Variants in THRB observed in about 807,000 individuals in gnomAD.
THRB encodes the protein thyroid hormone receptor beta.
In THRB, 12 loss-of-function variants were observed where a neutral mutation model predicts 47.8. The ratio of observed to expected loss-of-function variants is 0.25; its 90% CI spans 0.16 to 0.41. The LOEUF (loss-of-function observed/expected upper bound fraction) is 0.41, where lower values mean the gene tolerates loss of function less well. Among genes scored for constraint, THRB ranks in the 10% least tolerant of loss-of-function variants. The probability of loss-of-function intolerance (pLI) is 1.00; values close to 1 mark genes in which losing one functional copy is unlikely to be tolerated. For synonymous variants in THRB, 218 were observed against 212.2 expected, an observed-to-expected ratio of 1.03 and a Z score of -0.24; for missense variants, 348 against 589.2, an observed-to-expected ratio of 0.59 and a Z score of 4.24.
intron 3 of THRB, among the ~76,000 whole-genome samples, chr3:24,265,623 C>G (rs1426385789): frequency 6.6e-6 from 1 of 152,092 alleles, no homozygotes; most frequent in African/African-American, 2.4e-5. Context: ...TTAGAAATGT[C>G]TTCATTAAAA....
intron 3 of THRB, among the ~76,000 whole-genome samples, chr3:24,294,526 A>G (rs1365143206): frequency 6.6e-6 from 1 of 152,156 alleles, no homozygotes; most frequent in African/African-American, 2.4e-5. Flanking sequence ...TCTGGAAGAG[A>G]TATTTTCCTT....
chr3:24,244,985 C>T (rs1281785653), intron 3 of THRB, among the ~76,000 whole-genome samples: 2 of 152,150 alleles, frequency 1.3e-5, no homozygotes, highest in Admixed American at 6.6e-5. Flanking sequence ...GACATATGCC[C>T]ATCAGTGCAC....
rs181608003 is a variant in THRB at position 24,288,157 on chromosome 3, C to T, written c.-43+9069G>A. Among the ~76,000 whole-genome samples, 20 of 152,296 alleles carry T rather than the reference C, an allele frequency of 1.3e-4. 1 individual carries two copies. The highest frequency in any genetic ancestry group is 5.9e-5 in the Non-Finnish European group (4 of 68,024). ...TTTCTACCAAGTGGCCGGAGCAGGACAAATTGTGACCCAAGGTAGTAAAAG... is the reference window on the plus strand; with the variant it reads ...TTTCTACCAAGTGGCCGGAGCAGGATAAATTGTGACCCAAGGTAGTAAAAG... On this transcript the variant is annotated intron_variant, in intron 3 of 10. Transcript: ENST00000646209.
intron 8 of THRB, among the ~76,000 whole-genome samples, chr3:24,143,020 C>A (rs2035641348): frequency 6.6e-6 from 1 of 152,124 alleles, no homozygotes; most frequent in Non-Finnish European, 1.5e-5. Flanking sequence ...CTTCTTGAGT[C>A]AAGCTCATTT....
chr3:24,140,715 T>G (rs553414369), intron 8 of THRB, among the ~76,000 whole-genome samples: 127 of 152,262 alleles, frequency 8.3e-4, no homozygotes, highest in Non-Finnish European at 1.2e-3. Flanking sequence ...CAAAATGCAC[T>G]GTTTAAAGGC....
At chr3:24,305,894 A>T (rs1345903508) in intron 2 of THRB, among the ~76,000 whole-genome samples, 1 of 152,100 alleles carries the variant, frequency 6.6e-6, no homozygotes, top group East Asian at 1.9e-4. Context: ...TCTCCTACTA[A>T]ACTTCTTAGA....
chr3:24,326,756 C>CTGTTTTTTTTTTTT (rs2061618892), intron 2 of THRB, among the ~76,000 whole-genome samples: 1 of 50,026 alleles, frequency 2.0e-5, no homozygotes, highest in African/African-American at 1.0e-4. Flanking sequence ...CCAGTCTTGT[C>CTGTTTTTTTTTTTT]TTTTTTTTTT....
At chr3:24,427,237 A>G (rs756043821) in intron 1 of THRB, among the ~76,000 whole-genome samples, 5 of 152,028 alleles carry the variant, frequency 3.3e-5, no homozygotes, top group South Asian at 4.1e-4. Flanking sequence ...AAGAAGCACA[A>G]TCACCCCTTC....
At chr3:24,334,966 C>T (rs2062150379) in intron 2 of THRB, among the ~76,000 whole-genome samples, 1 of 152,214 alleles carries the variant, frequency 6.6e-6, no homozygotes, top group South Asian at 2.1e-4. Flanking sequence ...TCACGTGTTT[C>T]TCACTTACGG....
At chr3:24,274,328 G>T (rs892289919) in intron 3 of THRB, among the ~76,000 whole-genome samples, 2 of 152,066 alleles carry the variant, frequency 1.3e-5, no homozygotes, top group African/African-American at 4.8e-5. Context: ...TTAAATTATA[G>T]AACGTTCAGA....
chr3:24,270,778 T>C lies in THRB; in HGVS notation c.-43+26448A>G, dbSNP rs145301558. Among the ~76,000 whole-genome samples, 693 of 152,338 alleles carry C rather than the reference T, an allele frequency of 4.5e-3. 6 individuals are homozygous for C. The highest frequency in any genetic ancestry group is 0.016 in the African/African-American group (666 of 41,574). On this transcript the variant is annotated intron_variant, in intron 3 of 10. Coordinates refer to ENST00000646209, the MANE Select transcript of THRB (RefSeq NM_001354712.2). ...TGGGAAAATCCTTTTGCCCTCTGGA[T>C]CTTTTTGTAAAGTGGAGTGGCTTGA...
At chr3:24,359,078 A>G (rs2063890341) in intron 1 of THRB, among the ~76,000 whole-genome samples, 1 of 152,194 alleles carries the variant, frequency 6.6e-6, no homozygotes, top group Admixed American at 6.5e-5. Context: ...TTAGTGGCTT[A>G]AAACAGCAAC....
chr3:24,261,497 C>CAAAAAAA (rs35109952), intron 3 of THRB, among the ~76,000 whole-genome samples: 1 of 88,254 alleles, frequency 1.1e-5, no homozygotes, highest in Non-Finnish European at 2.2e-5. Flanking sequence ...GATTCTGTCT[C>CAAAAAAA]AAAAAAAAAA....
intron 3 of THRB, among the ~76,000 whole-genome samples, chr3:24,239,511 G>A (rs1052731550): frequency 1.3e-5 from 2 of 151,966 alleles, no homozygotes; most frequent in Non-Finnish European, 2.9e-5. Flanking sequence ...ATGGAGTCTT[G>A]CTATGTTGCC....
chr3:24,483,469 G>A (rs575332540), intron 1 of THRB, among the ~76,000 whole-genome samples: 1 of 151,188 alleles, frequency 6.6e-6, no homozygotes, highest in African/African-American at 2.4e-5. Context: ...TTTGCTTTCT[G>A]ACATCTCTAT....
chr3:24,315,403 T>C (rs1446686487), intron 2 of THRB, among the ~76,000 whole-genome samples: 2 of 152,334 alleles, frequency 1.3e-5, no homozygotes, highest in East Asian at 3.9e-4. Context: ...CTTACGTGGC[T>C]AAGCTATCCC....
At chr3:24,128,863 C>T (rs1023648475) in intron 9 of THRB, among the ~76,000 whole-genome samples, 43 of 87,024 alleles carry the variant, frequency 4.9e-4, no homozygotes, top group South Asian at 1.3e-3. Context: ...AAACATAACT[C>T]TTTTTTTTTT....
chr3:24,141,609 T>A (rs1364453573), intron 8 of THRB, among the ~76,000 whole-genome samples: 1 of 152,276 alleles, frequency 6.6e-6, no homozygotes, highest in Admixed American at 6.5e-5. Context: ...ACTCAATAAA[T>A]GTTTCTTAAA....
chr3:24,478,326 CT>C (rs1376667748), intron 1 of THRB, among the ~76,000 whole-genome samples: 1 of 152,158 alleles, frequency 6.6e-6, no homozygotes, highest in Non-Finnish European at 1.5e-5. Context: ...TTGTTCACTA[CT>C]GTACCCAAGC....
Sources: gnomAD v4.1 joint callset for allele counts (sites outside exome capture counted in the v4.1 genomes callset) on GRCh38, gnomAD v4.1.1 for gene constraint, MANE v1.5 for transcripts, NCBI Gene and HGNC (gene_info 2026-07-23, HGNC 2026-07-21) for gene names.